Variants in EPHA6 observed in about 807,000 individuals in gnomAD.
The protein encoded by EPHA6 is EPH receptor A6, also known as ephrin type-A receptor 6.
Under a neutral mutation model 112.0 loss-of-function variants are expected in EPHA6, and 50 were observed. The ratio of observed to expected loss-of-function variants is 0.45; its 90% CI spans 0.36 to 0.56. The LOEUF (loss-of-function observed/expected upper bound fraction) is 0.56. Among genes scored for constraint, EPHA6 ranks in the 20% least tolerant of loss-of-function variants. The pLI is 0.00. For missense variants in EPHA6, 1,280 were observed against 1,417.4 expected (o/e 0.90, Z 1.56); for synonymous variants, 529 against 490.7 (o/e 1.08, Z -1.03).
intron 3 of EPHA6, among the ~76,000 whole-genome samples, chr3:97,171,612 G>A (rs1350544268): frequency 1.3e-5 from 2 of 152,076 alleles, no homozygotes; most frequent in East Asian, 3.9e-4. Context: ...AAATTCACCT[G>A]TAAGTTATTG....
intron 3 of EPHA6, among the ~76,000 whole-genome samples, chr3:97,031,041 T>C (rs1446713536): frequency 2.0e-5 from 3 of 151,966 alleles, no homozygotes; most frequent in South Asian, 2.1e-4. Context: ...ACTGTGAAAA[T>C]TTGAAGAAAA....
At chr3:97,314,340 A>G (rs999945903) in intron 5 of EPHA6, among the ~76,000 whole-genome samples, 46 of 151,554 alleles carry the variant, frequency 3.0e-4, no homozygotes, top group African/African-American at 1.0e-3. Flanking sequence ...TGCTTTGGCT[A>G]TTTGGAGTCT....
At chr3:97,084,715 G>T (rs1272855803) in intron 3 of EPHA6, among the ~76,000 whole-genome samples, 1 of 151,936 alleles carries the variant, frequency 6.6e-6, no homozygotes, top group East Asian at 1.9e-4. Flanking sequence ...ATTTCTGCAA[G>T]GATAGTTACA....
chr3:97,588,964 A>C (rs1051269998), intron 11 of EPHA6, among the ~76,000 whole-genome samples: 1 of 152,202 alleles, frequency 6.6e-6, no homozygotes, highest in Admixed American at 6.5e-5. Context: ...TTAATTTACA[A>C]CATAGAGATA....
chr3:96,987,622 A>T lies in EPHA6; in HGVS notation c.743A>T (p.Asp248Val). The T allele has an allele frequency of 6.2e-7, 1 of 1,612,498 alleles. No individual in the cohort carries two copies. Residue 248 changes from aspartate (D) to valine (V), a missense_variant, in exon 3 of 18, where the codon GAT becomes GTT. By Grantham distance (152) the Asp-to-Val change is radical (BLOSUM62 -3). This residue lies in a region of EPHA6 where 878 missense variants were observed against 999.7 expected (regional missense o/e 0.88). Transcript: ENST00000389672. ...ACAAAGATCGACACAATTGCTGCTGATGAGAGTTTTACCCAGATGGATTTG... is the reference window on the plus strand; with the variant it reads ...ACAAAGATCGACACAATTGCTGCTGTTGAGAGTTTTACCCAGATGGATTTG... ...QYTKIDTIAA[D>V]ESFTQMDLGD...
At chr3:97,596,243 T>G (rs569260473) in intron 12 of EPHA6, among the ~76,000 whole-genome samples, 1 of 152,304 alleles carries the variant, frequency 6.6e-6, no homozygotes, top group South Asian at 2.1e-4. Context: ...GCTTGCTCTC[T>G]TTGCTCCATG....
chr3:97,724,582 A>T (rs1210281844), intron 15 of EPHA6, among the ~76,000 whole-genome samples: 1 of 152,064 alleles, frequency 6.6e-6, no homozygotes, highest in Non-Finnish European at 1.5e-5. Flanking sequence ...TGTGGGGAAT[A>T]TAGCGAGACC....
At chr3:96,857,427 T>C (rs1394116687) in intron 1 of EPHA6, among the ~76,000 whole-genome samples, 1 of 152,164 alleles carries the variant, frequency 6.6e-6, no homozygotes, top group African/African-American at 2.4e-5. Context: ...GTTTCATTTA[T>C]GAACCATTCC....
chr3:97,634,937 A>T (rs2093933053), intron 13 of EPHA6, among the ~76,000 whole-genome samples: 1 of 148,330 alleles, frequency 6.7e-6, no homozygotes, highest in Admixed American at 6.7e-5. Flanking sequence ...AAGAAAACCT[A>T]GCTTTTTTTT....
chr3:96,858,387 G>A (rs535847100), intron 1 of EPHA6, among the ~76,000 whole-genome samples: 2 of 152,182 alleles, frequency 1.3e-5, no homozygotes, highest in South Asian at 2.1e-4. Context: ...TTAAAGCAAA[G>A]TATAGAACCC....
intron 11 of EPHA6, among the ~76,000 whole-genome samples, chr3:97,533,272 C>T (rs1270307920): frequency 6.6e-6 from 1 of 151,874 alleles, no homozygotes; most frequent in African/African-American, 2.4e-5. Context: ...AAAATAACTT[C>T]AATCCTTGAA....
chr3:97,370,701 G>C (rs1461945887), intron 5 of EPHA6, among the ~76,000 whole-genome samples: 1 of 152,030 alleles, frequency 6.6e-6, no homozygotes, highest in East Asian at 1.9e-4. Context: ...TTTCATACAG[G>C]ATGACAAATG....
chr3:96,940,553 A>C (rs568529058), intron 2 of EPHA6, among the ~76,000 whole-genome samples: 2 of 152,066 alleles, frequency 1.3e-5, no homozygotes, highest in East Asian at 1.9e-4. Flanking sequence ...TCTTTACCCA[A>C]TTTTCCAGTC....
intron 2 of EPHA6, among the ~76,000 whole-genome samples, chr3:96,897,196 A>G (rs985258707): frequency 2.1e-5 from 3 of 145,908 alleles, no homozygotes; most frequent in African/African-American, 8.1e-5. Context: ...ATATCTATAT[A>G]TCTGTGTATA....
chr3:96,932,461 G>A (rs1300647092), intron 2 of EPHA6, among the ~76,000 whole-genome samples: 2 of 151,610 alleles, frequency 1.3e-5, no homozygotes, highest in Non-Finnish European at 2.9e-5. Context: ...TAAAAAGAGA[G>A]AACTGGTTTT....
At chr3:97,505,270 G>A (rs1270068685) in intron 10 of EPHA6, among the ~76,000 whole-genome samples, 1 of 152,128 alleles carries the variant, frequency 6.6e-6, no homozygotes, top group Non-Finnish European at 1.5e-5. Context: ...TACATGTGCT[G>A]TGGTGGTTTG....
At chr3:97,509,123 T>C (rs147345051) in intron 10 of EPHA6, among the ~76,000 whole-genome samples, 4 of 150,644 alleles carry the variant, frequency 2.7e-5, no homozygotes, top group Non-Finnish European at 4.4e-5. Flanking sequence ...CACTGATGGG[T>C]CTTGATTCTT....
chr3:97,742,420 G>T (rs56053516), intron 16 of EPHA6, among the ~76,000 whole-genome samples: 4,256 of 152,208 alleles, frequency 0.028, 96 homozygotes, highest in South Asian at 0.087. Flanking sequence ...TATTATCCCT[G>T]CTCTGCATCT....
At chr3:96,881,447 T>C (rs1362249544) in intron 2 of EPHA6, among the ~76,000 whole-genome samples, 3 of 152,134 alleles carry the variant, frequency 2.0e-5, no homozygotes, top group Non-Finnish European at 4.4e-5. Context: ...TCCTGAGACT[T>C]ATTCACTACC....
Sources: allele counts gnomAD v4.1 joint callset (sites outside exome capture counted in the v4.1 genomes callset), GRCh38; gene constraint gnomAD v4.1.1; regional missense constraint gnomAD v4.1.1; transcripts MANE v1.5; gene names NCBI Gene and HGNC (gene_info 2026-07-23, HGNC 2026-07-21).